The following DLGAP3 variants were observed in gnomAD, a reference collection of about 807,000 sequenced individuals.
The protein encoded by DLGAP3 is DLG associated protein 3, also known as disks large-associated protein 3.
Under a neutral mutation model 81.2 loss-of-function variants are expected in DLGAP3, and 17 were observed. The ratio of observed to expected loss-of-function variants is 0.21; its 90% confidence interval spans 0.14 to 0.31. The LOEUF is 0.31. Among genes scored for constraint, DLGAP3 ranks in the 10% least tolerant of loss-of-function variants. DLGAP3 has a pLI of 1.00. For missense variants in DLGAP3, 1,124 were observed against 1,388.0 expected, an observed-to-expected ratio of 0.81 and a Z score of 3.02; for synonymous variants, 577 against 587.4, an observed-to-expected ratio of 0.98 and a Z score of 0.26.
chr1:34,921,653 T>C (rs1488380428), intron 1 of DLGAP3, among the ~76,000 whole-genome samples: 1 of 152,182 alleles, frequency 6.6e-6, no homozygotes, highest in Non-Finnish European at 1.5e-5. Flanking sequence ...TACATGCTGG[T>C]TGAATGAATG....
chr1:34,872,727 A>C (rs1222120722), intron 8 of DLGAP3, among the ~76,000 whole-genome samples: 1 of 152,244 alleles, frequency 6.6e-6, no homozygotes, highest in African/African-American at 2.4e-5. Context: ...GGTTGGAATA[A>C]TGCAACCTAG....
intron 11 of DLGAP3, among the ~76,000 whole-genome samples, chr1:34,866,586 C>G (rs1030984152): frequency 2.0e-5 from 3 of 152,192 alleles, no homozygotes; most frequent in Admixed American, 6.5e-5. Context: ...GGTCCCGACC[C>G]GAAGGAGGGA....
At chr1:34,892,927 C>T (rs1180596726) in intron 5 of DLGAP3, among the ~76,000 whole-genome samples, 1 of 151,462 alleles carries the variant, frequency 6.6e-6, no homozygotes, top group Admixed American at 6.6e-5. Context: ...AATCCCAGCA[C>T]TTTGGGAGGC....
rs1471894650 is a variant in DLGAP3, at chr1:34,867,605, A to T, written c.2508T>A (p.Ala836=). Residue 836 remains alanine (A), a synonymous_variant, in exon 10 of 12, where the codon GCT becomes GCA. Coordinates refer to ENST00000373347, the MANE Select transcript of DLGAP3 (RefSeq NM_001080418.3). This position sits in a 1 kb window ranked among gnomAD's most constrained non-coding sequence, Gnocchi z 4.3. ...ACAGGAGAAGTTGTGTGCTGCCCACAGCACTGCGGATCTTCTCCAGGACTA... is the reference window on the plus strand; with the variant it reads ...ACAGGAGAAGTTGTGTGCTGCCCACTGCACTGCGGATCTTCTCCAGGACTA... ...PEEILEKIRS[A]VGSTQLLLSQ... 2 of 1,613,644 alleles carry T rather than the reference A, an allele frequency of 1.2e-6. No homozygotes were observed. Among genetic ancestry groups the T allele is most frequent in the African/African-American group, 2.7e-5 (2 of 74,912 alleles).
At chr1:34,923,921 A>G (rs550991440) in intron 1 of DLGAP3, among the ~76,000 whole-genome samples, 1 of 152,136 alleles carries the variant, frequency 6.6e-6, no homozygotes, top group Non-Finnish European at 1.5e-5. Context: ...TTTGCCCAGT[A>G]TTATCTGGAA....
intron 8 of DLGAP3, among the ~76,000 whole-genome samples, chr1:34,870,525 C>A (rs1232635262): frequency 2.0e-5 from 3 of 151,640 alleles, no homozygotes; most frequent in African/African-American, 7.3e-5. Context: ...CTGCCTACTT[C>A]TCTCCAGCTG....
intron 1 of DLGAP3, among the ~76,000 whole-genome samples, chr1:34,917,171 C>T (rs2148418675): frequency 6.6e-6 from 1 of 152,226 alleles, no homozygotes; most frequent in South Asian, 2.1e-4. Context: ...CACAAATTAA[C>T]AGGTGTTCAG....
intron 1 of DLGAP3, among the ~76,000 whole-genome samples, chr1:34,924,616 G>C (rs2148422131): frequency 6.6e-6 from 1 of 152,228 alleles, no homozygotes; most frequent in East Asian, 1.9e-4. Flanking sequence ...TGAAATTCTG[G>C]GACCCAGTAG....
chr1:34,869,743 T>C (rs1439423999), intron 8 of DLGAP3, among the ~76,000 whole-genome samples: 1 of 152,224 alleles, frequency 6.6e-6, no homozygotes, highest in Non-Finnish European at 1.5e-5. Flanking sequence ...CCCAACGTGC[T>C]GGGATTACAG....
intron 1 of DLGAP3, among the ~76,000 whole-genome samples, chr1:34,909,616 T>C (rs1210724954): frequency 1.3e-5 from 2 of 152,222 alleles, no homozygotes; most frequent in African/African-American, 2.4e-5. Flanking sequence ...TCCAAATTAC[T>C]GGGAGCAGGA....
At chr1:34,922,220 T>C (rs979781189) in intron 1 of DLGAP3, among the ~76,000 whole-genome samples, 2 of 152,202 alleles carry the variant, frequency 1.3e-5, no homozygotes, top group East Asian at 3.8e-4. Context: ...CACAAACTTC[T>C]TTCATATGAT....
chr1:34,878,219 A>T (rs1002616439), intron 8 of DLGAP3, among the ~76,000 whole-genome samples: 10 of 152,188 alleles, frequency 6.6e-5, no homozygotes, highest in Non-Finnish European at 1.2e-4. Context: ...AGGCAGAAGA[A>T]TTACTAGAAC....
At position 34,885,701 on chromosome 1, in the gene DLGAP3, G is replaced by A; in HGVS notation, c.1691C>T (p.Ser564Phe). Residue 564 changes from serine to phenylalanine, a missense_variant, in exon 7 of 12, where the codon TCC (serine) becomes TTC (phenylalanine). Ser to Phe is a radical substitution (Grantham distance 155). Transcript: ENST00000373347. ...ISITAQSSTDSAHESFTAAEG... is the reference protein window; with the variant it reads ...ISITAQSSTDFAHESFTAAEG... ...GGCCGCCGTGAAGCTCTCGTGCGCGGAGTCGGTGCTGCTCTGGGCGGTGAT... is the reference window on the plus strand; with the variant it reads ...GGCCGCCGTGAAGCTCTCGTGCGCGAAGTCGGTGCTGCTCTGGGCGGTGAT... 7.1e-7 allele frequency: 1 copy of A among 1,418,124 alleles called. No homozygotes were observed. Among genetic ancestry groups the A allele is most frequent in the Non-Finnish European group, 9.1e-7 (1 of 1,096,548 alleles). 87.8% of individuals were successfully genotyped at this position (1,418,124 alleles called of 1,614,324 possible).
At chr1:34,876,359 C>T (rs1444196401) in intron 8 of DLGAP3, among the ~76,000 whole-genome samples, 1 of 152,184 alleles carries the variant, frequency 6.6e-6, no homozygotes, top group Admixed American at 6.6e-5. Flanking sequence ...ACCTTTCCTG[C>T]TCAGCAATTT....
intron 1 of DLGAP3, among the ~76,000 whole-genome samples, chr1:34,919,974 T>A (rs1639773160): frequency 6.6e-6 from 1 of 151,966 alleles, no homozygotes; most frequent in Non-Finnish European, 1.5e-5. Flanking sequence ...ACCACCAGGG[T>A]AGAGGACCAG....
intron 5 of DLGAP3, among the ~76,000 whole-genome samples, chr1:34,899,325 C>A (rs1639421198): frequency 6.6e-6 from 1 of 152,198 alleles, no homozygotes; most frequent in African/African-American, 2.4e-5. Flanking sequence ...ACCTCGGCCT[C>A]CCAAAGTGCT....
At chr1:34,912,120 T>C (rs551605921) in intron 1 of DLGAP3, among the ~76,000 whole-genome samples, 48 of 152,326 alleles carry the variant, frequency 3.2e-4, no homozygotes, top group African/African-American at 1.1e-3. Context: ...GTATGAATGA[T>C]GTAAGGTTTA....
intron 5 of DLGAP3, among the ~76,000 whole-genome samples, chr1:34,896,557 C>T (rs926084797): frequency 2.0e-5 from 3 of 147,448 alleles, no homozygotes; most frequent in African/African-American, 5.0e-5. Flanking sequence ...CCACTGCACT[C>T]TGGCCTGGGC....
chr1:34,914,233 C>T (rs928862846), intron 1 of DLGAP3, among the ~76,000 whole-genome samples: 1 of 152,218 alleles, frequency 6.6e-6, no homozygotes, highest in African/African-American at 2.4e-5. Context: ...AGACACAATT[C>T]AGCCTGATCA....
Sources: allele counts gnomAD v4.1 joint callset (sites outside exome capture counted in the v4.1 genomes callset), GRCh38; gene constraint gnomAD v4.1.1; non-coding constraint Gnocchi (gnomAD v3.1); transcripts MANE v1.5; gene names NCBI Gene and HGNC (gene_info 2026-07-23, HGNC 2026-07-21).